The following PTPRT variants were observed in gnomAD, a reference collection of about 807,000 sequenced individuals.
The protein encoded by PTPRT is receptor-type tyrosine-protein phosphatase T.
Under a neutral mutation model 176.8 loss-of-function variants are expected in PTPRT, and 56 were observed. The observed-to-expected ratio is 0.32, with a 90% CI of 0.26 to 0.40. The LOEUF (loss-of-function observed/expected upper bound fraction) is 0.40. PTPRT is among the 10% of genes least tolerant of loss of function. PTPRT has a pLI of 1.00. For synonymous variants in PTPRT, 783 were observed against 739.0 expected (o/e 1.06, Z -0.96); for missense variants, 1,540 against 1,908.2 (o/e 0.81, Z 3.60).
intron 9 of PTPRT, among the ~76,000 whole-genome samples, chr20:42,378,099 C>A (rs572293431): frequency 6.6e-6 from 1 of 152,200 alleles, no homozygotes; most frequent in South Asian, 2.1e-4. Context: ...GGAGCCAAAC[C>A]GACATTTGAT....
chr20:43,071,064 T>C (rs2011174203), intron 1 of PTPRT, among the ~76,000 whole-genome samples: 1 of 151,136 alleles, frequency 6.6e-6, no homozygotes, highest in Non-Finnish European at 1.5e-5. Flanking sequence ...CACAAGGGTA[T>C]GGTGATGACA....
At chr20:42,776,492 C>G (rs1457926075) in intron 4 of PTPRT, among the ~76,000 whole-genome samples, 1 of 152,116 alleles carries the variant, frequency 6.6e-6, no homozygotes, top group Non-Finnish European at 1.5e-5. Context: ...CCATGTGAAG[C>G]CTCAGCAAGA....
intron 7 of PTPRT, among the ~76,000 whole-genome samples, chr20:42,585,997 C>G (rs1045274948): frequency 2.6e-5 from 4 of 152,144 alleles, no homozygotes; most frequent in African/African-American, 9.7e-5. Flanking sequence ...TGCTGGTATT[C>G]TTACTCAGCT....
At chr20:43,029,175 C>A (rs1312523695) in intron 1 of PTPRT, among the ~76,000 whole-genome samples, 1 of 152,202 alleles carries the variant, frequency 6.6e-6, no homozygotes, top group Non-Finnish European at 1.5e-5. Context: ...TGGAACAAAT[C>A]TTTAAAAGGG....
At chr20:42,945,175 C>T (rs1980803148) in intron 1 of PTPRT, among the ~76,000 whole-genome samples, 1 of 150,534 alleles carries the variant, frequency 6.6e-6, no homozygotes, top group Non-Finnish European at 1.5e-5. Context: ...TATAATGTAA[C>T]TCTAAAGATA....
At chr20:42,867,390 ATTTTTTTT>A (rs761289845) in intron 2 of PTPRT, among the ~76,000 whole-genome samples, 1 of 102,174 alleles carries the variant, frequency 9.8e-6, no homozygotes, top group Non-Finnish European at 1.9e-5. Context: ...AAGAACACAG[ATTTTTTTT>A]TTTTTTTTTT....
intron 1 of PTPRT, among the ~76,000 whole-genome samples, chr20:43,071,488 A>G (rs1371885286): frequency 6.6e-6 from 1 of 152,208 alleles, no homozygotes; most frequent in African/African-American, 2.4e-5. Flanking sequence ...ACCCAGTTCA[A>G]GACAGGAAAG....
rs577937051 is a variant in PTPRT at position 43,132,506 on chromosome 20, A to G, written c.88+57140T>C. Among the ~76,000 whole-genome samples, 13 of 152,362 alleles carry G rather than the reference A, an allele frequency of 8.5e-5. No individual in the cohort carries two copies. The South Asian group carries it at 1.7e-3, about 19-fold the overall frequency. ...GTTCTTGGATACTCTGTAATATCCA[A>G]TGTTGTGATACTGCAGACGTAATCC... On this transcript the variant is annotated intron_variant, in intron 1 of 30. Coordinates refer to ENST00000373187, the MANE Select transcript of PTPRT (RefSeq NM_007050.6).
intron 8 of PTPRT, among the ~76,000 whole-genome samples, chr20:42,466,394 T>C (rs2071102583): frequency 6.6e-6 from 1 of 152,188 alleles, no homozygotes. Context: ...TGAACATAAC[T>C]GGGTATCAAA....
intron 1 of PTPRT, among the ~76,000 whole-genome samples, chr20:43,002,974 T>G (rs1050664003): frequency 3.3e-5 from 5 of 150,904 alleles, no homozygotes; most frequent in Non-Finnish European, 7.4e-5. Context: ...CATGAATTAA[T>G]CTCATCAAAG....
intron 2 of PTPRT, among the ~76,000 whole-genome samples, chr20:42,863,023 A>C (rs1371402328): frequency 1.3e-5 from 2 of 152,172 alleles, no homozygotes; most frequent in Non-Finnish European, 2.9e-5. Flanking sequence ...GGTAAGGCAG[A>C]CTTGTACTCC....
At chr20:42,752,320 A>G (rs1480955531) in intron 6 of PTPRT, among the ~76,000 whole-genome samples, 1 of 152,164 alleles carries the variant, frequency 6.6e-6, no homozygotes, top group Non-Finnish European at 1.5e-5. Context: ...CCATTATCAC[A>G]TGTCATCCTC....
At chr20:42,808,724 C>A (rs1234623644) in intron 2 of PTPRT, among the ~76,000 whole-genome samples, 2 of 152,122 alleles carry the variant, frequency 1.3e-5, no homozygotes, top group African/African-American at 2.4e-5. Context: ...AGACTCAGAC[C>A]TTTATCCACT....
intron 9 of PTPRT, among the ~76,000 whole-genome samples, chr20:42,363,294 ATATATATTTTTTTTT>A (rs1416573146): frequency 2.8e-4 from 7 of 24,950 alleles, no homozygotes; most frequent in African/African-American, 1.4e-3. Flanking sequence ...ATATATATAT[ATATATATTTTTTTTT>A]TTTTTTTTTT....
intron 14 of PTPRT, among the ~76,000 whole-genome samples, chr20:42,247,437 TG>T (rs1052354684): frequency 1.2e-4 from 19 of 152,344 alleles, no homozygotes; most frequent in African/African-American, 4.6e-4. Flanking sequence ...TATATTCATG[TG>T]GTTCCTAAGG....
intron 7 of PTPRT, among the ~76,000 whole-genome samples, chr20:42,496,782 G>GT (rs1284811965): frequency 1.3e-5 from 2 of 152,016 alleles, no homozygotes; most frequent in Non-Finnish European, 1.5e-5. Context: ...AGTTTTCATG[G>GT]TTTTTTGTAT....
intron 8 of PTPRT, among the ~76,000 whole-genome samples, chr20:42,460,484 G>C (rs1457214416): frequency 6.6e-6 from 1 of 152,156 alleles, no homozygotes; most frequent in African/African-American, 2.4e-5. Flanking sequence ...ATACGAATGG[G>C]AAAGAGTCCC....
intron 6 of PTPRT, among the ~76,000 whole-genome samples, chr20:42,711,110 T>C (rs1326212865): frequency 6.6e-6 from 1 of 152,250 alleles, no homozygotes; most frequent in Non-Finnish European, 1.5e-5. Flanking sequence ...TTTGGTATTG[T>C]AGGCTCATGG....
chr20:42,607,094 G>A (rs2073890873), intron 7 of PTPRT, among the ~76,000 whole-genome samples: 1 of 152,128 alleles, frequency 6.6e-6, no homozygotes, highest in African/African-American at 2.4e-5. Flanking sequence ...ATCGCAAAAA[G>A]AGAAATATTA....
Sources: gnomAD v4.1 joint callset for allele counts (sites outside exome capture counted in the v4.1 genomes callset) on GRCh38, gnomAD v4.1.1 for gene constraint, MANE v1.5 for transcripts, NCBI Gene and HGNC (gene_info 2026-07-23, HGNC 2026-07-21) for gene names.